The following CDH18 variants were observed in gnomAD, a reference collection of about 807,000 sequenced individuals.
The protein encoded by CDH18 is cadherin-18.
In CDH18, 31 loss-of-function variants were observed where a neutral mutation model predicts 67.9. The observed-to-expected ratio is 0.46, with a 90% CI of 0.34 to 0.62. CDH18 has a LOEUF of 0.62. CDH18 is among the 20% of genes least tolerant of loss of function. The pLI, the probability that CDH18 is intolerant of heterozygous loss-of-function variation, is 0.01. For missense variants in CDH18, 890 were observed against 975.5 expected (o/e 0.91, Z 1.17); for synonymous variants, 362 against 347.2 (o/e 1.04, Z -0.48).
chr5:20,113,135 A>C (rs953960349), intron 2 of CDH18, among the ~76,000 whole-genome samples: 8 of 152,174 alleles, frequency 5.3e-5, no homozygotes, highest in African/African-American at 1.7e-4. Context: ...CATTTTAGTA[A>C]ATTGTAGTAT....
intron 2 of CDH18, among the ~76,000 whole-genome samples, chr5:19,967,905 C>A (rs1797616787): frequency 6.6e-6 from 1 of 152,072 alleles, no homozygotes; most frequent in Admixed American, 6.6e-5. Flanking sequence ...CAAATTGTCC[C>A]TGTCTGCAGA....
intron 3 of CDH18, among the ~76,000 whole-genome samples, chr5:19,792,344 A>AACTT (rs1776451643): frequency 6.6e-6 from 1 of 152,056 alleles, no homozygotes; most frequent in African/African-American, 2.4e-5. Context: ...CAGGCTTCGT[A>AACTT]ACTTACACCA....
intron 1 of CDH18, among the ~76,000 whole-genome samples, chr5:20,442,866 T>C (rs1344182247): frequency 6.6e-6 from 1 of 151,878 alleles, no homozygotes; most frequent in Non-Finnish European, 1.5e-5. Flanking sequence ...GGATCAGATA[T>C]GTAGACACTA....
rs1374770419 is a variant in CDH18 at position 20,005,715 on chromosome 5, C to T, written c.-517-13701G>A. Among the ~76,000 whole-genome samples, 3 of 151,798 alleles carry T rather than the reference C, an allele frequency of 2.0e-5. No individual in the cohort carries two copies. In the East Asian group the frequency reaches 5.8e-4, roughly 29 times the overall value. On this transcript the variant is annotated intron_variant, in intron 2 of 14. Transcript: ENST00000507958. The stretch of plus-strand genomic sequence containing the variant: ...AGTAAACAAAAGAAAGACACTGATG[C>T]AAACAATACTGGTAAGAATATAGAT...
At chr5:19,634,509 C>CA (rs1417772984) in intron 5 of CDH18, among the ~76,000 whole-genome samples, 1 of 152,150 alleles carries the variant, frequency 6.6e-6, no homozygotes, top group Non-Finnish European at 1.5e-5. Context: ...ATGCAAAGCA[C>CA]ATAAAAAACT....
intron 2 of CDH18, among the ~76,000 whole-genome samples, chr5:20,138,525 T>G (rs1335803989): frequency 6.6e-6 from 1 of 152,038 alleles, no homozygotes; most frequent in Non-Finnish European, 1.5e-5. Flanking sequence ...AAGTCAAATC[T>G]TCCCTGTTTG....
chr5:20,210,767 C>T lies in CDH18; in HGVS notation c.-518+44677G>A, dbSNP rs1035303079. 5.3e-5 allele frequency among the ~76,000 whole-genome samples: 8 copies of T among 151,930 alleles called. No homozygotes were observed. The East Asian group carries it at 1.6e-3, about 29-fold the overall frequency. Reference sequence around the variant, plus strand: ...CCTTTGGACATAGTTTATTTCATTTCTAAGTGTCTTATAATAGTTCATAAT... The same window carrying T: ...CCTTTGGACATAGTTTATTTCATTTTTAAGTGTCTTATAATAGTTCATAAT... On this transcript the variant is annotated intron_variant, in intron 2 of 14. Transcript: ENST00000507958.
At chr5:20,242,620 A>ACATATATATATATATACATG (rs1554106663) in intron 2 of CDH18, among the ~76,000 whole-genome samples, 12,618 of 64,400 alleles carry the variant, frequency 0.2, 3,356 homozygotes, top group Middle Eastern at 0.27. Context: ...AAATATATAT[A>ACATATATATATATATACATG]TATATATATA....
At chr5:19,826,804 C>T (rs1334343840) in intron 3 of CDH18, among the ~76,000 whole-genome samples, 1 of 152,042 alleles carries the variant, frequency 6.6e-6, no homozygotes, top group Non-Finnish European at 1.5e-5. Context: ...ATCATTGACA[C>T]TATAAAGCAA....
At chr5:19,854,191 G>T (rs2149942448) in intron 2 of CDH18, among the ~76,000 whole-genome samples, 1 of 152,120 alleles carries the variant, frequency 6.6e-6, no homozygotes, top group South Asian at 2.1e-4. Context: ...ATGAGACATG[G>T]ATGTTAGGAT....
intron 2 of CDH18, among the ~76,000 whole-genome samples, chr5:19,938,083 C>CT (rs1212092600): frequency 2.0e-5 from 3 of 148,390 alleles, no homozygotes; most frequent in Non-Finnish European, 4.5e-5. Flanking sequence ...GATACATAGA[C>CT]TTTTTTTGGG....
At chr5:20,149,248 A>AC (rs1233890648) in intron 2 of CDH18, among the ~76,000 whole-genome samples, 6 of 152,134 alleles carry the variant, frequency 3.9e-5, no homozygotes, top group Non-Finnish European at 8.8e-5. Flanking sequence ...GTTCATTGTT[A>AC]CCTTCACTAT....
intron 2 of CDH18, among the ~76,000 whole-genome samples, chr5:20,069,430 TG>T (rs1365156197): frequency 2.6e-5 from 4 of 151,866 alleles, no homozygotes; most frequent in Admixed American, 6.6e-5. Context: ...TTTATTTATT[TG>T]AGACGGAGTC....
intron 2 of CDH18, among the ~76,000 whole-genome samples, chr5:20,192,972 C>T (rs1738667841): frequency 6.6e-6 from 1 of 152,224 alleles, no homozygotes; most frequent in Non-Finnish European, 1.5e-5. Flanking sequence ...TTAATTCTTC[C>T]TATCCATGAG....
At chr5:20,319,304 A>C (rs1014721009) in intron 1 of CDH18, among the ~76,000 whole-genome samples, 1 of 152,134 alleles carries the variant, frequency 6.6e-6, no homozygotes, top group African/African-American at 2.4e-5. Context: ...ATTAAGTTAA[A>C]ACCAAATTAT....
At chr5:19,994,280 T>C (rs141274962) in intron 2 of CDH18, among the ~76,000 whole-genome samples, 5 of 150,872 alleles carry the variant, frequency 3.3e-5, no homozygotes, top group African/African-American at 1.2e-4. Flanking sequence ...TATACATATA[T>C]ACACATATAT....
At chr5:19,665,518 T>C (rs1757784235) in intron 5 of CDH18, among the ~76,000 whole-genome samples, 1 of 152,110 alleles carries the variant, frequency 6.6e-6, no homozygotes, top group Non-Finnish European at 1.5e-5. Flanking sequence ...TATTAGCTTA[T>C]ATGAATAGAT....
chr5:19,997,326 T>C (rs1736098253), intron 2 of CDH18, among the ~76,000 whole-genome samples: 1 of 152,128 alleles, frequency 6.6e-6, no homozygotes, highest in African/African-American at 2.4e-5. Flanking sequence ...TACACTGTTA[T>C]AGCACATATC....
At chr5:20,442,020 CTGTTCTGTTAACTGCTT>C (rs1247655798) in intron 1 of CDH18, among the ~76,000 whole-genome samples, 2 of 151,880 alleles carry the variant, frequency 1.3e-5, no homozygotes, top group African/African-American at 4.9e-5. Context: ...GATATTTTAT[CTGTTCTGTTAACTGCTT>C]TGTTAATTGC....
Sources: gnomAD v4.1 joint callset for allele counts (sites outside exome capture counted in the v4.1 genomes callset) on GRCh38, gnomAD v4.1.1 for gene constraint, MANE v1.5 for transcripts, NCBI Gene and HGNC (gene_info 2026-07-23, HGNC 2026-07-21) for gene names.